PUS7: variants seen among roughly 807,000 people sequenced by gnomAD.
PUS7 encodes the protein pseudouridine synthase 7, also known as pseudouridylate synthase 7 homolog.
In PUS7, 48 loss-of-function variants were observed where a neutral mutation model predicts 79.8. That is an observed-to-expected ratio of 0.60 (90% CI 0.48 to 0.76). The LOEUF is 0.76. Among genes scored for constraint, PUS7 ranks in the 30% least tolerant of loss-of-function variants. The pLI is 0.00. For synonymous variants in PUS7, 286 were observed against 272.2 expected (o/e 1.05, Z -0.50); for missense variants, 729 against 797.6 (o/e 0.91, Z 1.04).
intron 7 of PUS7, 39 bp from the exon 8 acceptor site, chr7:105,482,479 G>A (rs769122227): frequency 3.9e-6 from 6 of 1,546,130 alleles, no homozygotes; most frequent in Non-Finnish European, 5.3e-6. Flanking sequence ...ACAAAAAAGA[G>A]TAGAAAGAGG....
intron 9 of PUS7, among the ~76,000 whole-genome samples, chr7:105,474,907 T>C (rs1181834150): frequency 6.6e-6 from 1 of 152,256 alleles, no homozygotes; most frequent in East Asian, 1.9e-4. Context: ...GCTTTGCATA[T>C]TGTCCATGGC....
chr7:105,465,050 C>T (rs1311491212), intron 13 of PUS7, among the ~76,000 whole-genome samples: 1 of 152,128 alleles, frequency 6.6e-6, no homozygotes, highest in Non-Finnish European at 1.5e-5. Context: ...AATTCCAGAG[C>T]TCAAGCGATC....
chr7:105,465,246 A>G (rs1227215584), intron 13 of PUS7, 67 bp downstream of exon 13: 3 of 1,168,054 alleles, frequency 2.6e-6, no homozygotes, highest in Admixed American at 2.0e-5. Flanking sequence ...AAGTTTATAT[A>G]TGCTTGAAAT....
chr7:105,512,479 C>A (rs1446380765), intron 1 of PUS7, among the ~76,000 whole-genome samples: 1 of 152,158 alleles, frequency 6.6e-6, no homozygotes, highest in African/African-American at 2.4e-5. Context: ...CCAAAGACTA[C>A]AATGCCTGGG....
At chr7:105,486,639 C>G (rs1231430854) in intron 7 of PUS7, among the ~76,000 whole-genome samples, 1 of 152,098 alleles carries the variant, frequency 6.6e-6, no homozygotes, top group Non-Finnish European at 1.5e-5. Context: ...TAGAAACTGA[C>G]AGAACAATTC....
chr7:105,475,428 G>A (rs1824062086), intron 9 of PUS7, among the ~76,000 whole-genome samples: 2 of 151,812 alleles, frequency 1.3e-5, no homozygotes, highest in Admixed American at 6.6e-5. Context: ...CTTGTGATCT[G>A]CCCCCCTTGG....
Position 105,457,920 on chromosome 7 carries a change from T to C in PUS7, c.1856A>G (p.Lys619Arg), listed in dbSNP as rs767341693. 1.9e-6 allele frequency: 3 copies of C among 1,613,184 alleles called. No homozygotes were observed. Among genetic ancestry groups the C allele is most frequent in the South Asian group, 2.2e-5 (2 of 90,990 alleles). The change falls in exon 16 of 16, where the codon AAA (lysine) becomes AGA (arginine). Residue 619 changes from lysine to arginine, a missense_variant. By Grantham distance (26) the Lys-to-Arg change is conservative (BLOSUM62 2). Coordinates refer to ENST00000469408, the MANE Select transcript of PUS7 (RefSeq NM_019042.5). ...AAAATCCATTTTCAGAGCCCTGTAT[T>C]TGCCTTCTGCAAGGCAAGAAAGAAA... ...KTPPVFASEG[K>R]YRALKMDFSL...
chr7:105,493,794 C>T (rs377216626), intron 6 of PUS7, among the ~76,000 whole-genome samples: 12 of 151,964 alleles, frequency 7.9e-5, no homozygotes, highest in South Asian at 2.1e-4. Context: ...GAGAGGCTTC[C>T]GGAAAAAAAA....
intron 5 of PUS7, among the ~76,000 whole-genome samples, chr7:105,496,226 T>TATAGAGAGAG (rs1197032072): frequency 1.2e-5 from 1 of 81,134 alleles, no homozygotes; most frequent in African/African-American, 4.7e-5. Context: ...TATATATATA[T>TATAGAGAGAG]AGAGAGAGAG....
At chr7:105,471,890 A>C (rs1422221224) in intron 10 of PUS7, among the ~76,000 whole-genome samples, 8 of 150,248 alleles carry the variant, frequency 5.3e-5, no homozygotes, top group African/African-American at 7.5e-5. Context: ...CCAGCCTGGG[A>C]AACAAGACTA....
In PUS7 at chr7:105,504,030, C is replaced by T. The variant is rs563584904; in HGVS notation, c.586-1466G>A. Among the ~76,000 whole-genome samples the T allele has an allele frequency of 7.3e-5, 11 of 151,070 alleles. No individual in the cohort carries two copies. In the South Asian group the frequency reaches 1.7e-3, roughly 23 times the overall value. ...GTTGTAACCTGCAAGCTGAAAACAT[C>T]GAGATACACTGCAACTGCTACTGGC... On this transcript the variant is annotated intron_variant, in intron 4 of 15. Transcript: ENST00000469408.
chr7:105,485,546 A>G (rs889231470), intron 7 of PUS7, among the ~76,000 whole-genome samples: 1 of 152,172 alleles, frequency 6.6e-6, no homozygotes, highest in Admixed American at 6.5e-5. Flanking sequence ...TTTAATGTTC[A>G]AATTTATGAT....
At chr7:105,520,152 C>T (rs547895269) in intron 1 of PUS7, among the ~76,000 whole-genome samples, 152 of 152,182 alleles carry the variant, frequency 1.0e-3, no homozygotes, top group Non-Finnish European at 1.2e-3. Context: ...GGTGAAACCC[C>T]GTCTCTACTA....
intron 1 of PUS7, among the ~76,000 whole-genome samples, chr7:105,511,579 T>C (rs1298791343): frequency 1.3e-5 from 2 of 150,236 alleles, no homozygotes; most frequent in African/African-American, 4.9e-5. Flanking sequence ...CTGGCCAACA[T>C]GGTGAAACCC....
intron 1 of PUS7, among the ~76,000 whole-genome samples, chr7:105,511,465 T>C (rs1441508228): frequency 6.8e-6 from 1 of 146,810 alleles, no homozygotes; most frequent in African/African-American, 2.5e-5. Context: ...AAAAAGTGGT[T>C]GGGTACTGTG....
chr7:105,470,853 G>A lies in PUS7; in HGVS notation c.1238-5C>T, dbSNP rs377333257. 184 of 1,568,748 alleles carry A rather than the reference G, an allele frequency of 1.2e-4. No individual in the cohort carries two copies. The highest frequency in any genetic ancestry group is 3.0e-4 in the African/African-American group (22 of 73,608). On this transcript the variant is annotated splice_polypyrimidine_tract_variant and splice_region_variant and intron_variant, in intron 10 of 15. Coordinates refer to ENST00000469408, the MANE Select transcript of PUS7 (RefSeq NM_019042.5). Reference sequence around the variant, plus strand: ...TAACCAAGTAGCCCTTTTCAGCTGCGGGGGGAAAAAGCTAGGGTTAAATGA... The same window carrying A: ...TAACCAAGTAGCCCTTTTCAGCTGCAGGGGGAAAAAGCTAGGGTTAAATGA...
At chr7:105,485,481 A>C (rs893374293) in intron 7 of PUS7, among the ~76,000 whole-genome samples, 7 of 152,258 alleles carry the variant, frequency 4.6e-5, no homozygotes, top group African/African-American at 1.7e-4. Flanking sequence ...AAGTGCTGGG[A>C]TTACAGGCAT....
intron 15 of PUS7, 152 bp from the exon 16 acceptor site, chr7:105,458,078 A>G: frequency 1.2e-6 from 1 of 839,408 alleles, no homozygotes; most frequent in Non-Finnish European, 1.7e-6. Flanking sequence ...CCATGGAAGT[A>G]AGAGATCTGT....
chr7:105,477,975 T>A (rs918628427), intron 9 of PUS7, among the ~76,000 whole-genome samples: 27 of 152,118 alleles, frequency 1.8e-4, no homozygotes, highest in Middle Eastern at 6.8e-3. Context: ...GCTAATTTTT[T>A]AAAAATTTTA....
Sources: allele counts gnomAD v4.1 joint callset (sites outside exome capture counted in the v4.1 genomes callset), GRCh38; gene constraint gnomAD v4.1.1; transcripts MANE v1.5; gene names NCBI Gene and HGNC (gene_info 2026-07-23, HGNC 2026-07-21).